The following RHPN1 variants were observed in gnomAD, a reference collection of about 807,000 sequenced individuals.
The protein encoded by RHPN1 is rhophilin-1.
Under a neutral mutation model 74.7 loss-of-function variants are expected in RHPN1, and 77 were observed. The ratio of observed to expected loss-of-function variants is 1.03; its 90% CI spans 0.86 to 1.25. RHPN1 has a LOEUF of 1.25. Among genes scored for constraint, RHPN1 ranks in the 50% most tolerant of loss-of-function variants. The pLI, the probability that RHPN1 is intolerant of heterozygous loss-of-function variation, is 0.00. For synonymous variants in RHPN1, 444 were observed against 414.5 expected (o/e 1.07, Z -0.87); for missense variants, 987 against 932.2 (o/e 1.06, Z -0.77).
chr8:143,368,591 T>A (rs1586795884), upstream of RHPN1: 1 of 157,282 alleles, frequency 6.4e-6, no homozygotes, highest in Non-Finnish European at 1.4e-5. Flanking sequence ...TTCCCGAACT[T>A]CTCCCGCACG....
intron 4 of RHPN1, among the ~76,000 whole-genome samples, chr8:143,377,732 T>C (rs1265863751): frequency 6.6e-6 from 1 of 152,104 alleles, no homozygotes; most frequent in Non-Finnish European, 1.5e-5. Context: ...GGCAATGCCC[T>C]AGGAGGATGG....
upstream of RHPN1, among the ~76,000 whole-genome samples, chr8:143,366,220 G>C (rs774296940): frequency 6.6e-6 from 1 of 151,898 alleles, no homozygotes; most frequent in African/African-American, 2.4e-5. Context: ...AAAAGGTCCC[G>C]GCGCTCACTG....
At chr8:143,372,272 C>G (rs116059651) in intron 1 of RHPN1, among the ~76,000 whole-genome samples, 1 of 115,358 alleles carries the variant, frequency 8.7e-6, no homozygotes, top group South Asian at 3.1e-4. Context: ...CAGAGGCCCT[C>G]GAGGTGGTAG....
Position 143,380,589 on chromosome 8 carries a change from G to A in RHPN1, c.1217G>A (p.Gly406Asp). 1 of 1,504,460 alleles carries A rather than the reference G, an allele frequency of 6.6e-7. No homozygotes were observed. The highest frequency in any genetic ancestry group is 8.9e-7 in the Non-Finnish European group (1 of 1,122,578). The allele number at this position is 1,504,460 out of a possible 1,614,324, so 93.2% of individuals were successfully genotyped here. A position where few individuals can be genotyped will look rare whatever the true frequency, so the allele number is the denominator to read the frequency against. ...TGACATCCCAGTGCCCCGCGTGCAG[G>A]CAAGGCACACCTGAAGCGTGCCATC... ...PQELEERRQL[G>D]KAHLKRAILG... The change falls in exon 11 of 15, where the codon GGC (glycine) becomes GAC (aspartate). Residue 406 changes from glycine to aspartate, a missense_variant and splice_region_variant. Transcript: ENST00000289013.
upstream of RHPN1, chr8:143,366,824 C>T (rs1289412055): frequency 6.6e-6 from 1 of 152,212 alleles, no homozygotes; most frequent in Non-Finnish European, 1.5e-5. Flanking sequence ...TGCTGACAGT[C>T]ACTGATATGG....
At position 143,381,733 on chromosome 8, in the gene RHPN1, G is replaced by A. The variant is rs200857858; in HGVS notation, c.1635+15G>A. 33 of 1,606,240 alleles carry A rather than the reference G, an allele frequency of 2.1e-5. No homozygotes were observed. In the Admixed American group the frequency reaches 2.9e-4, roughly 14 times the overall value. Reference sequence around the variant, plus strand: ...GCCAGGCCGCGGTAAGGGCCCCGCCGGCCCCCTGAGGCTGAGTCCTTGGTG... The same window carrying A: ...GCCAGGCCGCGGTAAGGGCCCCGCCAGCCCCCTGAGGCTGAGTCCTTGGTG... On this transcript the variant is annotated intron_variant, in intron 13 of 14. Coordinates refer to ENST00000289013, the MANE Select transcript of RHPN1 (RefSeq NM_052924.3).
chr8:143,382,879 T>C lies in RHPN1; in HGVS notation c.*228T>C. ...AAGGATGCCAGTCCCTCTGTCGGTCTGAGGTCAGCTTCCTGGGGCTGCCCC... is the reference window on the plus strand; with the variant it reads ...AAGGATGCCAGTCCCTCTGTCGGTCCGAGGTCAGCTTCCTGGGGCTGCCCC... On this transcript the variant is annotated 3_prime_UTR_variant, in exon 15 of 15. Coordinates refer to ENST00000289013, the MANE Select transcript of RHPN1 (RefSeq NM_052924.3). The C allele has an allele frequency of 1.8e-6, 1 of 569,926 alleles. No homozygotes were observed. Among genetic ancestry groups the C allele is most frequent in the Non-Finnish European group, 3.1e-6 (1 of 318,874 alleles). 35.3% of individuals were successfully genotyped at this position (569,926 alleles called of 1,614,324 possible). A position where few individuals can be genotyped will look rare whatever the true frequency, so the allele number is the denominator to read the frequency against.
At chr8:143,375,036 C>A (rs931908662) in intron 1 of RHPN1, among the ~76,000 whole-genome samples, 2 of 152,156 alleles carry the variant, frequency 1.3e-5, no homozygotes, top group East Asian at 1.9e-4. Context: ...GGCCAGTGGC[C>A]GCCCCCAGAG....
Position 143,381,789 on chromosome 8 carries a change from GT to G in RHPN1, c.1636-17del. 1 of 1,609,662 alleles carries G rather than the reference GT, an allele frequency of 6.2e-7. No individual in the cohort carries two copies. The highest frequency in any genetic ancestry group is 8.5e-7 in the Non-Finnish European group (1 of 1,178,294). ...CAGGGTGTCCTGTCCCCACCTCACCGTCCAAGTCTCCCCACAGGCGGCTGGC... is the reference window on the plus strand; with the variant it reads ...CAGGGTGTCCTGTCCCCACCTCACCGCCAAGTCTCCCCACAGGCGGCTGGC... On this transcript the variant is annotated splice_polypyrimidine_tract_variant and intron_variant, in intron 13 of 14. Coordinates refer to ENST00000289013, the MANE Select transcript of RHPN1 (RefSeq NM_052924.3).
At chr8:143,370,001 G>A (rs1200346860) in intron 1 of RHPN1, among the ~76,000 whole-genome samples, 4 of 152,220 alleles carry the variant, frequency 2.6e-5, no homozygotes, top group Non-Finnish European at 5.9e-5. Flanking sequence ...CCCGAGGCGT[G>A]CCAGAGGCTG....
intron 1 of RHPN1, 128 bp downstream of exon 1, chr8:143,369,175 TG>T (rs1316601200): frequency 1.5e-6 from 1 of 649,310 alleles, no homozygotes; most frequent in African/African-American, 1.9e-5. Context: ...GCAGGGAAAC[TG>T]AGGCCAGAGC....
chr8:143,380,359 C>T, intron 10 of RHPN1, 184 bp downstream of exon 10: 3 of 657,188 alleles, frequency 4.6e-6, no homozygotes, highest in Non-Finnish European at 7.6e-6. Flanking sequence ...CCCAGGAGTG[C>T]TGGGCAGCCT....
chr8:143,381,200 G>A (rs1343907119), intron 11 of RHPN1, 68 bp from the exon 12 acceptor site: 28 of 1,363,186 alleles, frequency 2.1e-5, no homozygotes, highest in Non-Finnish European at 2.5e-5. Flanking sequence ...CATGCCCTGC[G>A]CCCTGGAAAA....
intron 2 of RHPN1, among the ~76,000 whole-genome samples, chr8:143,376,053 G>A (rs1241376168): frequency 3.9e-5 from 6 of 152,240 alleles, no homozygotes; most frequent in African/African-American, 1.2e-4. Flanking sequence ...AGAGCACACC[G>A]CCTGTGTGCC....
upstream of RHPN1, among the ~76,000 whole-genome samples, chr8:143,366,019 C>T (rs1817552295): frequency 6.7e-6 from 1 of 149,348 alleles, no homozygotes; most frequent in Non-Finnish European, 1.5e-5. Flanking sequence ...AAAAAAAAGG[C>T]CAGTCACAGT....
chr8:143,365,017 G>A (rs1445911787), upstream of RHPN1, among the ~76,000 whole-genome samples: 1 of 152,066 alleles, frequency 6.6e-6, no homozygotes, highest in African/African-American at 2.4e-5. Context: ...ATTTGTGTGG[G>A]TTTGTGCACC....
At chr8:143,372,541 C>T (rs1050687827) in intron 1 of RHPN1, among the ~76,000 whole-genome samples, 3 of 152,026 alleles carry the variant, frequency 2.0e-5, no homozygotes, top group African/African-American at 4.8e-5. Context: ...TGGGGGAGGC[C>T]AGGGTCCTGG....
Position 143,380,632 on chromosome 8 carries a change from G to A in RHPN1, c.1260G>A (p.Ala420=), listed in dbSNP as rs368795813. 24 of 1,553,978 alleles carry A rather than the reference G, an allele frequency of 1.5e-5. No individual in the cohort carries two copies. The highest frequency in any genetic ancestry group is 2.4e-5 in the South Asian group (2 of 84,410). Residue 420 remains alanine (A), a synonymous_variant, in exon 11 of 15, where the codon GCG becomes GCA. Transcript: ENST00000289013. ...GTGCCATCCTGGGGCAGGAGGAGGC[G>A]CTGCGGCTGCACGCCCTGTGCCGCG... is the stretch of plus-strand genomic sequence containing the variant. ...LKRAILGQEE[A]LRLHALCRVL...
chr8:143,380,721 A>G lies in RHPN1; in HGVS notation c.1349A>G (p.Lys450Arg). ...CAGACGCTGCAGCGCTCACTGGCCA[A>G]GTATGCGGAGCTCGACCGTGAGGAT... ...ISQTLQRSLA[K>R]YAELDREDDF... Residue 450 changes from lysine (K) to arginine (R), a missense_variant, in exon 11 of 15, where the codon AAG becomes AGG. Lys to Arg is a conservative substitution (Grantham distance 26, BLOSUM62 2). Coordinates refer to ENST00000289013, the MANE Select transcript of RHPN1 (RefSeq NM_052924.3). The G allele has an allele frequency of 6.3e-7, 1 of 1,595,232 alleles. No individual in the cohort carries two copies. The highest frequency in any genetic ancestry group is 8.5e-7 in the Non-Finnish European group (1 of 1,171,472).
Sources: gnomAD v4.1 joint callset for allele counts (sites outside exome capture counted in the v4.1 genomes callset) on GRCh38, gnomAD v4.1.1 for gene constraint, MANE v1.5 for transcripts, NCBI Gene and HGNC (gene_info 2026-07-23, HGNC 2026-07-21) for gene names.